Variants in OGDHL observed in about 807,000 individuals in gnomAD.
OGDHL encodes the protein 2-oxoglutarate dehydrogenase-like, mitochondrial.
Under a neutral mutation model 109.6 loss-of-function variants are expected in OGDHL, and 79 were observed. The ratio of observed to expected loss-of-function variants is 0.72; its 90% CI spans 0.60 to 0.87. The LOEUF is 0.87. OGDHL is among the 40% of genes least tolerant of loss of function. OGDHL has a pLI of 0.00. For synonymous variants in OGDHL, 528 were observed against 537.2 expected (o/e 0.98, Z 0.24); for missense variants, 1,275 against 1,362.2 (o/e 0.94, Z 1.01).
intron 14 of OGDHL, 69 bp downstream of exon 14, chr10:49,743,925 A>G (rs549835418): frequency 6.4e-7 from 1 of 1,561,958 alleles, no homozygotes; most frequent in Admixed American, 1.8e-5. Flanking sequence ...ATCCCAACCA[A>G]TCTCCCTTCG....
rs778267131 is a variant in OGDHL at position 49,745,996 on chromosome 10, C to T, written c.1297-19G>A. ...ATCCAATCTGCAGAGGCAGGAGAAA[C>T]CTGCTGCGCCTCTCAATTTACTTAG... On this transcript the variant is annotated intron_variant, in intron 10 of 22. Transcript: ENST00000374103. The T allele has an allele frequency of 4.3e-6, 7 of 1,610,868 alleles. No homozygotes were observed. The highest frequency in any genetic ancestry group is 1.3e-5 in the African/African-American group (1 of 74,982).
chr10:49,745,332 C>T lies in OGDHL; in HGVS notation c.1629+12G>A. ...AGTTTGTCTTGGGCGCCCCTGCAGCCTGCCTGCCCACCTCAAACTCCTGCA... is the reference window on the plus strand; with the variant it reads ...AGTTTGTCTTGGGCGCCCCTGCAGCTTGCCTGCCCACCTCAAACTCCTGCA... On this transcript the variant is annotated intron_variant, in intron 12 of 22. Coordinates refer to ENST00000374103, the MANE Select transcript of OGDHL (RefSeq NM_018245.3). 1 of 1,612,896 alleles carries T rather than the reference C, an allele frequency of 6.2e-7. No individual in the cohort carries two copies. Among genetic ancestry groups the T allele is most frequent in the Non-Finnish European group, 8.5e-7 (1 of 1,179,818 alleles).
chr10:49,741,929 A>G (rs1841705015), intron 15 of OGDHL, among the ~76,000 whole-genome samples: 3 of 146,316 alleles, frequency 2.1e-5, no homozygotes, highest in Admixed American at 6.8e-5. Flanking sequence ...CACAGACTAC[A>G]CACCACAAAC....
At chr10:49,746,065 G>T in intron 10 of OGDHL, 88 bp from the exon 11 acceptor site, 1 of 1,450,238 alleles carries the variant, frequency 6.9e-7, no homozygotes, top group Non-Finnish European at 9.3e-7. Context: ...GCAGGGGGAT[G>T]CTCAAGGTCC....
rs1393942792 is a variant in OGDHL at position 49,762,299 on chromosome 10, C to G, written c.-62G>C. ...CCGGAGGCTGCAGGTCAGGGGGCTG[C>G]GCGGAAGGGGTGCGCGCGCGCCGTG... On this transcript the variant is annotated 5_prime_UTR_variant, in exon 1 of 23. Coordinates refer to ENST00000374103, the MANE Select transcript of OGDHL (RefSeq NM_018245.3). 6.6e-6 allele frequency: 1 copy of G among 152,082 alleles called. No homozygotes were observed. Among genetic ancestry groups the G allele is most frequent in the Admixed American group, 6.5e-5 (1 of 15,270 alleles). 9.4% of individuals were successfully genotyped at this position (152,082 alleles called of 1,614,324 possible). A position where few individuals can be genotyped will look rare whatever the true frequency, so the allele number is the denominator to read the frequency against.
intron 3 of OGDHL, 43 bp from the exon 4 acceptor site, chr10:49,752,783 G>A: frequency 7.2e-7 from 1 of 1,392,268 alleles, no homozygotes; most frequent in Non-Finnish European, 1.0e-6. Context: ...GGACCCAGCT[G>A]GACAGACCTC....
Position 49,761,455 on chromosome 10 carries a change from C to G in OGDHL, c.-2+784G>C, listed in dbSNP as rs113757156. Among the ~76,000 whole-genome samples the G allele has an allele frequency of 3.7e-3, 565 of 152,360 alleles. 4 individuals carry two copies. The highest frequency in any genetic ancestry group is 0.013 in the African/African-American group (542 of 41,590). ...CCAGAGGGCCCTCCAAGCTGGGCAG[C>G]AGCAGAGCCTGGATTCTCTCAGCAG... On this transcript the variant is annotated intron_variant, in intron 1 of 22. Transcript: ENST00000374103.
chr10:49,739,562 G>A (rs763542830), intron 17 of OGDHL, 99 bp downstream of exon 17: 103 of 1,430,860 alleles, frequency 7.2e-5, no homozygotes, highest in Non-Finnish European at 9.4e-5. Flanking sequence ...GGCCTGGAAG[G>A]CATATACCGT....
At position 49,735,516 on chromosome 10, in the gene OGDHL, G is replaced by A. The variant is rs897305050; in HGVS notation, c.2910-165C>T. On this transcript the variant is annotated intron_variant, in intron 22 of 22. Transcript: ENST00000374103. The stretch of plus-strand genomic sequence containing the variant: ...CCACTTCCAATGAGCTGCAAAGCCC[G>A]GATCAAACTCAGTCACCTAGCCACA... Among the ~76,000 whole-genome samples, 47 of 152,342 alleles carry A rather than the reference G, an allele frequency of 3.1e-4. 1 individual carries two copies. Among genetic ancestry groups the A allele is most frequent in the African/African-American group, 7.2e-4 (30 of 41,580 alleles).
intron 11 of OGDHL, 42 bp from the exon 12 acceptor site, chr10:49,745,538 G>A (rs995351091): frequency 6.2e-7 from 1 of 1,609,870 alleles, no homozygotes; most frequent in African/African-American, 1.3e-5. Context: ...TCCCTACGCT[G>A]TGTGGTCAAT....
At chr10:49,747,473 C>T (rs1013867728) in intron 8 of OGDHL, among the ~76,000 whole-genome samples, 1 of 152,148 alleles carries the variant, frequency 6.6e-6, no homozygotes, top group Non-Finnish European at 1.5e-5. Flanking sequence ...GTGGGGAAGG[C>T]CATCCAGCGG....
intron 8 of OGDHL, among the ~76,000 whole-genome samples, chr10:49,748,742 C>CCACACACACACACACACACACACACACA (rs3223401): frequency 3.1e-4 from 42 of 133,952 alleles, no homozygotes; most frequent in African/African-American, 1.2e-3. Flanking sequence ...AGGTATGGGT[C>CCACACACACACACACACACACACACACA]CACACACACA....
chr10:49,757,927 T>C (rs1422939747), intron 2 of OGDHL, among the ~76,000 whole-genome samples: 1 of 152,208 alleles, frequency 6.6e-6, no homozygotes, highest in African/African-American at 2.4e-5. Context: ...ACTGTGTAAC[T>C]TCTTATACCT....
chr10:49,745,946 C>T lies in OGDHL; in HGVS notation c.1328G>A (p.Arg443His). The change falls in exon 11 of 23, where the codon CGC becomes CAC. Residue 443 changes from arginine (R) to histidine (H), a missense_variant. Arg to His is a conservative substitution (Grantham distance 29). Transcript: ENST00000374103. ...CACGTCGGTCGGGTATGGTGAGGAG[C>T]GGGCCATTCGGGGGTCTGTGGTGAA... The part of the protein sequence containing the change: ...IGFTTDPRMA[R>H]SSPYPTDVAR... The T allele has an allele frequency of 3.1e-6, 5 of 1,614,190 alleles. No homozygotes were observed. The highest frequency in any genetic ancestry group is 1.7e-5 in the Admixed American group (1 of 60,028).
chr10:49,757,127 C>G (rs1160518427), intron 2 of OGDHL, among the ~76,000 whole-genome samples, 181 bp from the exon 3 acceptor site: 1 of 152,190 alleles, frequency 6.6e-6, no homozygotes, highest in Non-Finnish European at 1.5e-5. Flanking sequence ...CAAAAATTGA[C>G]AATGTGAAAA....
rs770807050 is a variant in OGDHL at position 49,758,426 on chromosome 10, T to C, written c.167A>G (p.Tyr56Cys). The change falls in exon 2 of 23, where the codon TAC (tyrosine) becomes TGC (cysteine). Residue 56 changes from tyrosine (Y) to cysteine (C), a missense_variant. Coordinates refer to ENST00000374103, the MANE Select transcript of OGDHL (RefSeq NM_018245.3). ...GGGSSYMEEM[Y>C]FAWLENPQSV... ...CTGGGGGTTTTCCAACCAGGCGAAGTACATCTCCTCCATGTAACTGGAGCC... is the reference window on the plus strand; with the variant it reads ...CTGGGGGTTTTCCAACCAGGCGAAGCACATCTCCTCCATGTAACTGGAGCC... 26 of 1,613,642 alleles carry C rather than the reference T, an allele frequency of 1.6e-5. No individual in the cohort carries two copies. In the Admixed American group the frequency reaches 3.8e-4, roughly 24 times the overall value.
intron 22 of OGDHL, among the ~76,000 whole-genome samples, chr10:49,735,552 G>A (rs1479206678): frequency 6.6e-6 from 1 of 152,246 alleles, no homozygotes; most frequent in African/African-American, 2.4e-5. Flanking sequence ...GAAGAGTGGG[G>A]AGAAACTGTC....
At chr10:49,756,399 T>C (rs1321448803) in intron 3 of OGDHL, among the ~76,000 whole-genome samples, 2 of 152,136 alleles carry the variant, frequency 1.3e-5, no homozygotes, top group Non-Finnish European at 2.9e-5. Context: ...GCTGTATCAG[T>C]CCCTGTTCTC....
intron 1 of OGDHL, among the ~76,000 whole-genome samples, chr10:49,761,525 G>A (rs535639739): frequency 1.3e-5 from 2 of 152,346 alleles, no homozygotes; most frequent in Admixed American, 6.5e-5. Context: ...ATGAGCTTTT[G>A]CTCAGCAACA....
Sources: allele counts gnomAD v4.1 joint callset (sites outside exome capture counted in the v4.1 genomes callset), GRCh38; gene constraint gnomAD v4.1.1; transcripts MANE v1.5; gene names NCBI Gene and HGNC (gene_info 2026-07-23, HGNC 2026-07-21).